Variants in LRRC28 observed in about 807,000 individuals in gnomAD.
The protein encoded by LRRC28 is leucine-rich repeat-containing protein 28.
LRRC28 carries 39 observed loss-of-function variants against 45.7 expected under a neutral mutation model. The observed-to-expected ratio is 0.85, with a 90% CI of 0.66 to 1.12. The LOEUF is 1.12. LRRC28 is among the 50% of genes most tolerant of loss of function. The pLI is 0.00. For missense variants in LRRC28, 435 were observed against 438.5 expected, an observed-to-expected ratio of 0.99 and a Z score of 0.07; for synonymous variants, 206 against 178.8, an observed-to-expected ratio of 1.15 and a Z score of -1.22.
rs906007674 is a variant in LRRC28 at position 99,348,547 on chromosome 15, T to A, written c.593-3822T>A. On this transcript the variant is annotated intron_variant, in intron 6 of 9. Transcript: ENST00000301981. ...AAGACACTTTCTGTTCCCTGTTATG[T>A]CCTCTTGGTGCCCATTTATGTTTGG... Among the ~76,000 whole-genome samples the A allele has an allele frequency of 3.3e-5, 5 of 152,272 alleles. No individual in the cohort carries two copies. In the South Asian group the frequency reaches 1.0e-3, roughly 32 times the overall value.
chr15:99,270,706 T>C (rs1025196444), intron 2 of LRRC28, among the ~76,000 whole-genome samples: 1 of 152,170 alleles, frequency 6.6e-6, no homozygotes, highest in African/African-American at 2.4e-5. Flanking sequence ...TATTTCCACT[T>C]TTTAGCTATT....
In LRRC28 at chr15:99,387,087, G is replaced by C. The variant is rs564171216; in HGVS notation, c.*985G>C. 1 of 151,710 alleles carries C rather than the reference G, an allele frequency of 6.6e-6. No individual in the cohort carries two copies. Among genetic ancestry groups the C allele is most frequent in the South Asian group, 2.1e-4 (1 of 4,760 alleles). The allele number at this position is 151,710 out of a possible 1,614,324, so 9.4% of individuals were successfully genotyped here. Reference sequence around the variant, plus strand: ...TTTTTTTTGTTGTTGTTGAGACGGAGTCTCGCTCTGTCGCCCAGGCTGGAG... The same window carrying C: ...TTTTTTTTGTTGTTGTTGAGACGGACTCTCGCTCTGTCGCCCAGGCTGGAG... On this transcript the variant is annotated 3_prime_UTR_variant, in exon 10 of 10. Coordinates refer to ENST00000301981, the MANE Select transcript of LRRC28 (RefSeq NM_144598.5).
intron 6 of LRRC28, among the ~76,000 whole-genome samples, chr15:99,339,582 T>C (rs929911421): frequency 6.6e-6 from 1 of 152,022 alleles, no homozygotes; most frequent in Admixed American, 6.6e-5. Flanking sequence ...AATACAAAAA[T>C]TAGCTGGGTG....
intron 5 of LRRC28, among the ~76,000 whole-genome samples, chr15:99,293,622 A>C (rs980073743): frequency 7.6e-5 from 11 of 144,682 alleles, no homozygotes; most frequent in Admixed American, 6.2e-4. Context: ...AAAAAAAAAA[A>C]AAAAAAAAAA....
intron 5 of LRRC28, among the ~76,000 whole-genome samples, chr15:99,295,557 C>A (rs986184315): frequency 2.0e-5 from 3 of 152,138 alleles, no homozygotes; most frequent in Admixed American, 1.3e-4. Context: ...AAATCTGATA[C>A]CTTTGTGAGT....
intron 4 of LRRC28, 45 bp downstream of exon 4, chr15:99,287,339 AGC>A: frequency 7.2e-7 from 1 of 1,394,626 alleles, no homozygotes; most frequent in Non-Finnish European, 9.6e-7. Flanking sequence ...ATATAATTTA[AGC>A]TTTGCTTTAT....
intron 3 of LRRC28, among the ~76,000 whole-genome samples, chr15:99,282,829 A>T (rs35103557): frequency 0.096 from 14,591 of 152,300 alleles, 993 homozygotes; most frequent in East Asian, 0.32. Context: ...AACAGTTGGG[A>T]AAATCCCATT....
chr15:99,262,144 T>C lies in LRRC28; in HGVS notation c.168+6019T>C, dbSNP rs146366340. ...TCATACATATTTCTCTGGAAGTCTC[T>C]TTTTTCACTTCATGATATTCTCATT... On this transcript the variant is annotated intron_variant, in intron 2 of 9. Transcript: ENST00000301981. Among the ~76,000 whole-genome samples, 972 of 152,320 alleles carry C rather than the reference T, an allele frequency of 6.4e-3. 13 individuals carry two copies. Among genetic ancestry groups the C allele is most frequent in the African/African-American group, 0.022 (912 of 41,560 alleles).
intron 2 of LRRC28, among the ~76,000 whole-genome samples, chr15:99,273,464 G>C (rs969916174): frequency 3.9e-5 from 6 of 152,026 alleles, no homozygotes; most frequent in Non-Finnish European, 7.4e-5. Flanking sequence ...GTCTTGATCT[G>C]CTGACCTCGT....
At chr15:99,362,766 C>CT (rs2152327092) in intron 8 of LRRC28, among the ~76,000 whole-genome samples, 1 of 152,260 alleles carries the variant, frequency 6.6e-6, no homozygotes, top group Non-Finnish European at 1.5e-5. Flanking sequence ...TTCTCTGACT[C>CT]TTATTAAAGT....
At chr15:99,262,925 C>T (rs541530430) in intron 2 of LRRC28, among the ~76,000 whole-genome samples, 12 of 151,688 alleles carry the variant, frequency 7.9e-5, no homozygotes, top group Middle Eastern at 3.4e-3. Context: ...GCTGAGATTA[C>T]GGTGAGCCAC....
intron 2 of LRRC28, among the ~76,000 whole-genome samples, chr15:99,275,351 A>G (rs758721540): frequency 3.3e-5 from 5 of 152,112 alleles, no homozygotes; most frequent in African/African-American, 4.8e-5. Context: ...TCTCCTGCCA[A>G]TGGCCAATTT....
At chr15:99,307,808 A>G (rs1489958532) in intron 5 of LRRC28, among the ~76,000 whole-genome samples, 2 of 152,234 alleles carry the variant, frequency 1.3e-5, no homozygotes, top group African/African-American at 2.4e-5. Flanking sequence ...AAGGTGCAAT[A>G]TGTTATACTT....
intron 2 of LRRC28, chr15:99,258,482 CTGT>C: frequency 1.3e-6 from 1 of 777,470 alleles, no homozygotes; most frequent in East Asian, 2.5e-5. Flanking sequence ...AAGACTGAAA[CTGT>C]TAAGGAGCCA....
chr15:99,291,492 A>G (rs968452325), intron 5 of LRRC28, among the ~76,000 whole-genome samples: 1 of 152,138 alleles, frequency 6.6e-6, no homozygotes, highest in Non-Finnish European at 1.5e-5. Context: ...ATGCTTGATT[A>G]TGTTTGGAGA....
chr15:99,341,045 T>C (rs1956489975), intron 6 of LRRC28, among the ~76,000 whole-genome samples: 1 of 151,778 alleles, frequency 6.6e-6, no homozygotes, highest in Non-Finnish European at 1.5e-5. Context: ...CTCTTCTTTA[T>C]CCTTGTTCTG....
At chr15:99,292,607 A>G (rs967333567) in intron 5 of LRRC28, among the ~76,000 whole-genome samples, 3 of 148,612 alleles carry the variant, frequency 2.0e-5, no homozygotes, top group African/African-American at 7.5e-5. Context: ...CTCATGATCC[A>G]CCCGCCTCGG....
At chr15:99,344,674 A>G (rs568610454) in intron 6 of LRRC28, among the ~76,000 whole-genome samples, 13 of 152,356 alleles carry the variant, frequency 8.5e-5, no homozygotes, top group African/African-American at 3.1e-4. Flanking sequence ...ATTTTTTCCT[A>G]TAAAATTAAC....
rs574734737 is a variant in LRRC28 at position 99,349,544 on chromosome 15, T to C, written c.593-2825T>C. 6.6e-5 allele frequency among the ~76,000 whole-genome samples: 10 copies of C among 152,326 alleles called. No homozygotes were observed. In the East Asian group the frequency reaches 1.7e-3, roughly 26 times the overall value. On this transcript the variant is annotated intron_variant, in intron 6 of 9. Coordinates refer to ENST00000301981, the MANE Select transcript of LRRC28 (RefSeq NM_144598.5). ...TGTCACAGGGAAGAGGTTTTCTAAC[T>C]ACGACTCAAACTCTGGAGGCAATTT...
Sources: allele counts gnomAD v4.1 joint callset (sites outside exome capture counted in the v4.1 genomes callset), GRCh38; gene constraint gnomAD v4.1.1; transcripts MANE v1.5; gene names NCBI Gene and HGNC (gene_info 2026-07-23, HGNC 2026-07-21).